Variants in PRKD1 observed in about 807,000 individuals in gnomAD.
PRKD1 encodes serine/threonine-protein kinase D1.
In PRKD1, 63 loss-of-function variants were observed where a neutral mutation model predicts 95.9. The observed-to-expected ratio is 0.66, with a 90% CI of 0.54 to 0.81. The LOEUF (loss-of-function observed/expected upper bound fraction) is 0.81. PRKD1 is among the 30% of genes least tolerant of loss of function. The pLI, the probability that PRKD1 is intolerant of heterozygous loss-of-function variation, is 0.00. For synonymous variants in PRKD1, 425 were observed against 423.1 expected, an observed-to-expected ratio of 1.00 and a Z score of -0.05; for missense variants, 1,048 against 1,165.3, an observed-to-expected ratio of 0.90 and a Z score of 1.47.
intron 1 of PRKD1, among the ~76,000 whole-genome samples, chr14:29,748,706 T>C (rs552368264): frequency 1.5e-4 from 23 of 152,298 alleles, no homozygotes; most frequent in Non-Finnish European, 2.9e-4. Flanking sequence ...GCCAAGCACA[T>C]AATAGGTATT....
chr14:29,819,735 AT>A (rs1210650943), intron 1 of PRKD1, among the ~76,000 whole-genome samples: 17 of 152,166 alleles, frequency 1.1e-4, no homozygotes, highest in African/African-American at 3.4e-4. Context: ...ATAAAATAAA[AT>A]AAAGCAAATG....
intron 1 of PRKD1, among the ~76,000 whole-genome samples, chr14:29,885,804 T>TAAAAAAAAAA (rs759317394): frequency 0.022 from 1,176 of 53,418 alleles, 141 homozygotes; most frequent in African/African-American, 0.05. Flanking sequence ...CCATCTTTAC[T>TAAAAAAAAAA]AAAAAAAAAA....
At chr14:29,715,525 T>C (rs149860037) in intron 2 of PRKD1, among the ~76,000 whole-genome samples, 284 of 152,270 alleles carry the variant, frequency 1.9e-3, no homozygotes, top group African/African-American at 6.4e-3. Context: ...CAGCCAATTC[T>C]CATCAATGGA....
At chr14:29,914,000 C>T (rs145177033) in intron 1 of PRKD1, among the ~76,000 whole-genome samples, 1 of 152,280 alleles carries the variant, frequency 6.6e-6, no homozygotes, top group Non-Finnish European at 1.5e-5. Context: ...CCAAATACAT[C>T]AAAGAAAAGC....
chr14:29,779,735 G>T (rs1022914975), intron 1 of PRKD1, among the ~76,000 whole-genome samples: 1 of 152,134 alleles, frequency 6.6e-6, no homozygotes, highest in South Asian at 2.1e-4. Flanking sequence ...TAGATTCAAT[G>T]CCATCTCCAT....
intron 1 of PRKD1, among the ~76,000 whole-genome samples, chr14:29,851,404 T>C (rs534452508): frequency 6.6e-6 from 1 of 151,694 alleles, no homozygotes; most frequent in African/African-American, 2.4e-5. Context: ...AAACAAAACA[T>C]TAAAAAGTGG....
chr14:29,838,447 A>T (rs1317221836), intron 1 of PRKD1, among the ~76,000 whole-genome samples: 2 of 152,150 alleles, frequency 1.3e-5, no homozygotes, highest in Admixed American at 1.3e-4. Flanking sequence ...AATCCTTCCA[A>T]GAAATTAGTT....
chr14:29,578,905 G>C (rs1892663926), intron 16 of PRKD1, among the ~76,000 whole-genome samples: 3 of 152,168 alleles, frequency 2.0e-5, no homozygotes, highest in Middle Eastern at 6.8e-3. Context: ...AAAACCAACA[G>C]CCCAAGAAGA....
chr14:29,688,097 A>G (rs1037802409), intron 2 of PRKD1, among the ~76,000 whole-genome samples: 1 of 152,036 alleles, frequency 6.6e-6, no homozygotes, highest in Non-Finnish European at 1.5e-5. Context: ...GAAATAATAC[A>G]TTTTCTTGCC....
At chr14:29,621,962 T>C (rs1031639784) in intron 13 of PRKD1, among the ~76,000 whole-genome samples, 8 of 152,116 alleles carry the variant, frequency 5.3e-5, no homozygotes, top group African/African-American at 1.7e-4. Context: ...TGATGAAGGA[T>C]TTTCCAAATG....
chr14:29,597,869 T>A, intron 15 of PRKD1, 111 bp from the exon 16 acceptor site: 1 of 1,115,376 alleles, frequency 9.0e-7, no homozygotes, highest in Non-Finnish European at 1.2e-6. Context: ...TACCTTTACA[T>A]TAAATGATAT....
At chr14:29,821,329 G>T (rs747823438) in intron 1 of PRKD1, among the ~76,000 whole-genome samples, 1 of 152,084 alleles carries the variant, frequency 6.6e-6, no homozygotes, top group South Asian at 2.1e-4. Context: ...CCAGAATTCC[G>T]TGGTAACTCA....
intron 1 of PRKD1, among the ~76,000 whole-genome samples, chr14:29,781,988 C>G (rs1226119086): frequency 2.6e-5 from 4 of 152,146 alleles, no homozygotes; most frequent in African/African-American, 9.7e-5. Flanking sequence ...CTGATCTTGT[C>G]AAGAATATCC....
chr14:29,622,844 G>C (rs930816641), intron 13 of PRKD1, among the ~76,000 whole-genome samples: 1 of 152,286 alleles, frequency 6.6e-6, no homozygotes, highest in African/African-American at 2.4e-5. Context: ...AATATAGAAA[G>C]ATGTAACCAT....
chr14:29,792,814 A>G (rs1471774137), intron 1 of PRKD1, among the ~76,000 whole-genome samples: 2 of 152,118 alleles, frequency 1.3e-5, no homozygotes, highest in African/African-American at 4.8e-5. Context: ...CTAGACGGAA[A>G]AAATAATTCA....
chr14:29,762,900 C>T (rs7161131), intron 1 of PRKD1, among the ~76,000 whole-genome samples: 25,332 of 151,922 alleles, frequency 0.17, 2,294 homozygotes, highest in South Asian at 0.22. Context: ...CATGCCACCA[C>T]GCCCAGATAA....
At chr14:29,687,001 T>C (rs1316866133) in intron 2 of PRKD1, among the ~76,000 whole-genome samples, 1 of 80 alleles carries the variant, frequency 0.013, no homozygotes, top group Admixed American at 0.25. Flanking sequence ...CTCCATATCC[T>C]GCCCAGGTTG....
chr14:29,922,717 G>T lies in PRKD1; in HGVS notation c.264+4532C>A, dbSNP rs1056765168. 2.0e-5 allele frequency among the ~76,000 whole-genome samples: 3 copies of T among 151,718 alleles called. No individual in the cohort carries two copies. In the South Asian group the frequency reaches 6.3e-4, roughly 32 times the overall value. ...TGGGCAACACAGTGAGACATTGTCT[G>T]TATAAAAAAATTATAAAAATTAGTC... On this transcript the variant is annotated intron_variant, in intron 1 of 17. Transcript: ENST00000331968.
chr14:29,842,676 T>G (rs1891902663), intron 1 of PRKD1, among the ~76,000 whole-genome samples: 1 of 152,248 alleles, frequency 6.6e-6, no homozygotes, highest in East Asian at 1.9e-4. Flanking sequence ...TGGTGAAATG[T>G]TCCTTAAACA....
Sources: allele counts gnomAD v4.1 joint callset (sites outside exome capture counted in the v4.1 genomes callset), GRCh38; gene constraint gnomAD v4.1.1; transcripts MANE v1.5; gene names NCBI Gene and HGNC (gene_info 2026-07-23, HGNC 2026-07-21).